FLT1: variants seen among roughly 807,000 people sequenced by gnomAD.
The protein encoded by FLT1 is vascular endothelial growth factor receptor 1.
In FLT1, 49 loss-of-function variants were observed where a neutral mutation model predicts 156.3. The observed-to-expected ratio is 0.31, with a 90% confidence interval of 0.25 to 0.40. The LOEUF is 0.40. Among genes scored for constraint, FLT1 ranks in the 10% least tolerant of loss-of-function variants. The pLI, the probability that FLT1 is intolerant of heterozygous loss-of-function variation, is 1.00. For synonymous variants in FLT1, 594 were observed against 583.8 expected (o/e 1.02, Z -0.25); for missense variants, 1,322 against 1,637.2 (o/e 0.81, Z 3.32).
intron 10 of FLT1, among the ~76,000 whole-genome samples, chr13:28,406,938 C>T (rs1294706476): frequency 6.6e-6 from 1 of 152,154 alleles, no homozygotes; most frequent in Non-Finnish European, 1.5e-5. Flanking sequence ...GAAAAACGTT[C>T]CGTTACTATT....
At chr13:28,399,158 C>G in intron 11 of FLT1, 1 of 1,402,588 alleles carries the variant, frequency 7.1e-7, no homozygotes, top group South Asian at 1.2e-5. Flanking sequence ...ACTCTGACTC[C>G]CTTACATTGT....
intron 3 of FLT1, among the ~76,000 whole-genome samples, chr13:28,440,030 G>T (rs1296179347): frequency 1.3e-5 from 2 of 152,150 alleles, no homozygotes; most frequent in Non-Finnish European, 2.9e-5. Context: ...CATCTTGTGT[G>T]GTCCCTGGCA....
At chr13:28,481,925 T>G (rs905624070) in intron 1 of FLT1, among the ~76,000 whole-genome samples, 1 of 152,206 alleles carries the variant, frequency 6.6e-6, no homozygotes, top group Non-Finnish European at 1.5e-5. Flanking sequence ...TGTAACACAA[T>G]GAATACAACC....
chr13:28,324,731 C>T (rs1303134939), intron 20 of FLT1, among the ~76,000 whole-genome samples: 2 of 152,266 alleles, frequency 1.3e-5, no homozygotes, highest in South Asian at 2.1e-4. Context: ...AAAAATGCTC[C>T]ACAGGCTCAC....
intron 16 of FLT1, among the ~76,000 whole-genome samples, chr13:28,344,748 T>C (rs1026332603): frequency 9.9e-5 from 15 of 151,836 alleles, no homozygotes; most frequent in Admixed American, 3.9e-4. Context: ...CCACTTATTT[T>C]TACTTCCAAT....
At chr13:28,412,389 T>TTTCC in intron 10 of FLT1, among the ~76,000 whole-genome samples, 42 of 139,228 alleles carry the variant, frequency 3.0e-4, no homozygotes, top group Admixed American at 2.5e-3. Flanking sequence ...TCTTTCTTTC[T>TTTCC]TTCTTTCTTT....
At chr13:28,406,844 C>G (rs984256381) in intron 10 of FLT1, among the ~76,000 whole-genome samples, 1 of 151,940 alleles carries the variant, frequency 6.6e-6, no homozygotes, top group South Asian at 2.1e-4. Context: ...CTTTAGCAGC[C>G]AAGAGCAGGA....
In FLT1 at chr13:28,321,447, C is replaced by T. The variant is rs745865609; in HGVS notation, c.3174+16G>A. 6.2e-7 allele frequency: 1 copy of T among 1,613,526 alleles called. No homozygotes were observed. The highest frequency in any genetic ancestry group is 8.5e-7 in the Non-Finnish European group (1 of 1,179,884). Reference sequence around the variant, plus strand: ...ATAGGACACACATGAGTCAAATAAACATCAAACTGACTTACATCTCCTTTT... The same window carrying T: ...ATAGGACACACATGAGTCAAATAAATATCAAACTGACTTACATCTCCTTTT... On this transcript the variant is annotated intron_variant, in intron 23 of 29. Transcript: ENST00000282397.
At chr13:28,483,975 T>C (rs1880999378) in intron 1 of FLT1, among the ~76,000 whole-genome samples, 1 of 152,234 alleles carries the variant, frequency 6.6e-6, no homozygotes, top group South Asian at 2.1e-4. Flanking sequence ...GGCTTGGCTG[T>C]TCCATAAATG....
chr13:28,429,101 T>G (rs1433045074), intron 8 of FLT1, among the ~76,000 whole-genome samples: 1 of 152,142 alleles, frequency 6.6e-6, no homozygotes, highest in Admixed American at 6.6e-5. Context: ...AATTTACTAT[T>G]AAACCTAAAA....
At chr13:28,319,074 G>A (rs191337753) in intron 24 of FLT1, among the ~76,000 whole-genome samples, 165 of 152,274 alleles carry the variant, frequency 1.1e-3, no homozygotes, top group African/African-American at 3.8e-3. Flanking sequence ...GAGGGAAGCG[G>A]TAAGGGCATT....
intron 1 of FLT1, among the ~76,000 whole-genome samples, chr13:28,483,990 G>A (rs1245853891): frequency 6.6e-6 from 1 of 152,160 alleles, no homozygotes. Flanking sequence ...TAAATGGATG[G>A]CCCTCAGCAA....
At chr13:28,438,083 T>C in intron 4 of FLT1, 138 bp downstream of exon 4, 1 of 779,674 alleles carries the variant, frequency 1.3e-6, no homozygotes, top group Non-Finnish European at 2.2e-6. Flanking sequence ...TTCCTTATAG[T>C]AAAAGGATGT....
chr13:28,388,907 A>G, intron 13 of FLT1: 1 of 1,064,492 alleles, frequency 9.4e-7, no homozygotes, highest in Non-Finnish European at 1.1e-6. Context: ...TTCAGCTGCC[A>G]TCAATAGCTG....
intron 6 of FLT1, among the ~76,000 whole-genome samples, chr13:28,432,986 A>G (rs1371321701): frequency 6.6e-6 from 1 of 152,206 alleles, no homozygotes; most frequent in Non-Finnish European, 1.5e-5. Flanking sequence ...AAGTTATTCC[A>G]TTTCCATGGC....
chr13:28,472,454 T>C (rs73158198), intron 1 of FLT1, among the ~76,000 whole-genome samples: 174 of 152,332 alleles, frequency 1.1e-3, no homozygotes, highest in African/African-American at 4.0e-3. Context: ...AGACTCTCAA[T>C]GTAAAGTCTG....
chr13:28,365,634 G>A (rs1322944362), intron 14 of FLT1, among the ~76,000 whole-genome samples: 2 of 152,166 alleles, frequency 1.3e-5, no homozygotes, highest in African/African-American at 4.8e-5. Context: ...TTACAGGCGT[G>A]AGCCACCGTG....
At chr13:28,459,482 AAGG>A (rs569099760) in intron 3 of FLT1, among the ~76,000 whole-genome samples, 10,184 of 152,264 alleles carry the variant, frequency 0.067, 1,140 homozygotes, top group African/African-American at 0.23. Context: ...TGAGATGAGT[AAGG>A]GAGGGAAGCT....
At chr13:28,389,366 T>G in intron 13 of FLT1, 1 of 1,264,860 alleles carries the variant, frequency 7.9e-7, no homozygotes, top group Non-Finnish European at 9.9e-7. Flanking sequence ...TTTGTGCAGC[T>G]TCAACACTTA....
Sources: allele counts gnomAD v4.1 joint callset (sites outside exome capture counted in the v4.1 genomes callset), GRCh38; gene constraint gnomAD v4.1.1; transcripts MANE v1.5; gene names NCBI Gene and HGNC (gene_info 2026-07-23, HGNC 2026-07-21).